Variants in DNAH14 observed in about 807,000 individuals in gnomAD.
The protein encoded by DNAH14 is axonemal beta dynein heavy chain 14.
DNAH14 carries 478 observed loss-of-function variants against 520.9 expected under a neutral mutation model. The ratio of observed to expected loss-of-function variants is 0.92; its 90% confidence interval spans 0.85 to 0.99. DNAH14 has a LOEUF of 0.99. Among genes scored for constraint, DNAH14 ranks in the 50% least tolerant of loss-of-function variants. The pLI, the probability that DNAH14 is intolerant of heterozygous loss-of-function variation, is 0.00. For synonymous variants in DNAH14, 1,581 were observed against 1,757.2 expected (o/e 0.90, Z 2.51); for missense variants, 4,831 against 5,234.5 (o/e 0.92, Z 2.38).
At chr1:225,105,388 G>T (rs951634918) in intron 23 of DNAH14, among the ~76,000 whole-genome samples, 1 of 152,178 alleles carries the variant, frequency 6.6e-6, no homozygotes, top group Non-Finnish European at 1.5e-5. Flanking sequence ...GAGTTCTGTA[G>T]ATGTCTATTA....
chr1:225,190,814 T>A (rs1175298239), intron 37 of DNAH14, among the ~76,000 whole-genome samples: 1 of 152,016 alleles, frequency 6.6e-6, no homozygotes, highest in Non-Finnish European at 1.5e-5. Context: ...CTTAGACTTT[T>A]ACTCTTCAGA....
At chr1:224,994,422 A>G (rs78638349) in intron 8 of DNAH14, among the ~76,000 whole-genome samples, 7,999 of 151,966 alleles carry the variant, frequency 0.053, 320 homozygotes, top group Non-Finnish European at 0.078. Flanking sequence ...ATCATTATTT[A>G]ATGTCATTTT....
intron 69 of DNAH14, 119 bp from the exon 70 acceptor site, chr1:225,345,843 G>T: frequency 1.3e-6 from 1 of 762,096 alleles, no homozygotes. Context: ...GCCCGTCTCT[G>T]ACATAAAGCC....
chr1:225,102,065 G>C (rs1388956600), intron 23 of DNAH14, among the ~76,000 whole-genome samples: 3 of 113,188 alleles, frequency 2.7e-5, no homozygotes, highest in African/African-American at 3.6e-5. Context: ...CAACAGGCCC[G>C]GTGTATGATG....
chr1:225,264,123 C>T, intron 46 of DNAH14, 74 bp from the exon 47 acceptor site: 1 of 1,288,622 alleles, frequency 7.8e-7, no homozygotes, highest in East Asian at 2.6e-5. Context: ...TATGCTGTTA[C>T]TTTTTTGTTG....
intron 12 of DNAH14, among the ~76,000 whole-genome samples, chr1:225,042,500 T>G (rs2148221625): frequency 6.6e-6 from 1 of 152,074 alleles, no homozygotes; most frequent in South Asian, 2.1e-4. Context: ...TGATTAAGAG[T>G]CCTGGGCCCT....
At position 225,042,950 on chromosome 1, in the gene DNAH14, A is replaced by C. The variant is rs2067609546; in HGVS notation, c.1604A>C (p.Glu535Ala). Residue 535 changes from glutamate (E) to alanine (A), a missense_variant, in exon 13 of 86, where the codon GAG (glutamate) becomes GCG (alanine). By Grantham distance (107) the Glu-to-Ala change is moderately radical. Transcript: ENST00000682510. ...AESDSSENSKENFHESDQCPE... is the reference protein window; with the variant it reads ...AESDSSENSKANFHESDQCPE... ...AGTGATTCTTCAGAAAATTCTAAAG[A>C]GAACTTTCATGAGTCTGACCAGTGC... The C allele has an allele frequency of 3.2e-6, 5 of 1,551,838 alleles. No homozygotes were observed. The highest frequency in any genetic ancestry group is 4.4e-6 in the Non-Finnish European group (5 of 1,147,054).
At chr1:224,978,885 C>T (rs1411424455) in intron 8 of DNAH14, among the ~76,000 whole-genome samples, 1 of 152,080 alleles carries the variant, frequency 6.6e-6, no homozygotes, top group East Asian at 1.9e-4. Flanking sequence ...AAGTAGTCCT[C>T]CCACTTTAGC....
At chr1:224,933,610 CT>C (rs2058836249) in intron 1 of DNAH14, among the ~76,000 whole-genome samples, 1 of 151,954 alleles carries the variant, frequency 6.6e-6, no homozygotes, top group East Asian at 1.9e-4. Context: ...CCTTTTATGC[CT>C]GGTTTGTTGA....
At chr1:224,966,164 T>A (rs1451505455) in intron 5 of DNAH14, among the ~76,000 whole-genome samples, 2 of 152,224 alleles carry the variant, frequency 1.3e-5, no homozygotes, top group South Asian at 2.1e-4. Context: ...TTCCTGTTAT[T>A]TGCAGTTTTT....
intron 27 of DNAH14, among the ~76,000 whole-genome samples, chr1:225,128,696 C>A (rs1440945762): frequency 2.0e-5 from 3 of 152,044 alleles, no homozygotes; most frequent in Admixed American, 6.6e-5. Flanking sequence ...TATGACAAAC[C>A]CACAGCCAAT....
chr1:225,011,836 A>G (rs538190261), intron 10 of DNAH14, among the ~76,000 whole-genome samples: 1 of 119,136 alleles, frequency 8.4e-6, no homozygotes, highest in South Asian at 2.7e-4. Flanking sequence ...TTTTGAGCCT[A>G]TGTGTGTCTT....
At chr1:225,203,622 C>T (rs150545830) in intron 38 of DNAH14, among the ~76,000 whole-genome samples, 1 of 152,292 alleles carries the variant, frequency 6.6e-6, no homozygotes, top group East Asian at 1.9e-4. Context: ...AATATACATA[C>T]ATCAGAATTT....
chr1:225,301,751 C>T (rs2094143473), intron 56 of DNAH14, among the ~76,000 whole-genome samples: 1 of 152,130 alleles, frequency 6.6e-6, no homozygotes, highest in South Asian at 2.1e-4. Context: ...CATTTCTCAA[C>T]TTAGTAACAA....
At chr1:225,292,335 C>A (rs186919558) in intron 55 of DNAH14, among the ~76,000 whole-genome samples, 1 of 152,124 alleles carries the variant, frequency 6.6e-6, no homozygotes, top group Non-Finnish European at 1.5e-5. Context: ...TCAACTTTCC[C>A]AGCACCATTT....
In DNAH14 at chr1:225,275,971, G is replaced by A; in HGVS notation, c.8068G>A (p.Asp2690Asn). ...CTCAACTGTATTTTTGGACTTCTTGGATATAAACAAGACTCATAGAAAAAA... is the reference window on the plus strand; with the variant it reads ...CTCAACTGTATTTTTGGACTTCTTGAATATAAACAAGACTCATAGAAAAAA... ...NHSTVFLDFL[D>N]INKTHRKKIY... The change falls in exon 53 of 86, where the codon GAT (aspartate) becomes AAT (asparagine). Residue 2690 changes from aspartate to asparagine, a missense_variant. Coordinates refer to ENST00000682510, the MANE Select transcript of DNAH14 (RefSeq NM_001367479.1). 2.5e-6 allele frequency: 1 copy of A among 404,006 alleles called. No individual in the cohort carries two copies. Among genetic ancestry groups the A allele is most frequent in the Non-Finnish European group, 5.0e-6 (1 of 201,430 alleles). 25.0% of individuals were successfully genotyped at this position (404,006 alleles called of 1,614,324 possible). A position where few individuals can be genotyped will look rare whatever the true frequency, so the allele number is the denominator to read the frequency against.
At chr1:225,364,133 G>C (rs79830859) in intron 75 of DNAH14, among the ~76,000 whole-genome samples, 1 of 152,110 alleles carries the variant, frequency 6.6e-6, no homozygotes, top group Non-Finnish European at 1.5e-5. Flanking sequence ...ATCATATCAA[G>C]AGGCCTGTGA....
rs1171122141 is a variant in DNAH14, at chr1:225,097,250, T to C, written c.3695+11T>C. 4 of 1,547,396 alleles carry C rather than the reference T, an allele frequency of 2.6e-6. No individual in the cohort carries two copies. The East Asian group carries it at 7.4e-5, about 28-fold the overall frequency. On this transcript the variant is annotated intron_variant, in intron 22 of 85. Coordinates refer to ENST00000682510, the MANE Select transcript of DNAH14 (RefSeq NM_001367479.1). ...TTCAGAAATACGAAGGTAAAATACC[T>C]AAAATATACCATATACAGGTTCAAA...
At chr1:225,348,267 T>C (rs2095315756) in intron 71 of DNAH14, among the ~76,000 whole-genome samples, 1 of 151,594 alleles carries the variant, frequency 6.6e-6, no homozygotes, top group Admixed American at 6.6e-5. Flanking sequence ...AATATGGCAC[T>C]CCCAGAAGAA....
Sources: allele counts gnomAD v4.1 joint callset (sites outside exome capture counted in the v4.1 genomes callset), GRCh38; gene constraint gnomAD v4.1.1; transcripts MANE v1.5; gene names NCBI Gene and HGNC (gene_info 2026-07-23, HGNC 2026-07-21).